PTPN14: variants seen among roughly 807,000 people sequenced by gnomAD.
PTPN14 encodes the protein protein tyrosine phosphatase non-receptor type 14.
PTPN14 carries 53 observed loss-of-function variants against 126.8 expected under a neutral mutation model. The ratio of observed to expected loss-of-function variants is 0.42; its 90% CI spans 0.34 to 0.53. The LOEUF (loss-of-function observed/expected upper bound fraction) is 0.53. Among genes scored for constraint, PTPN14 ranks in the 20% least tolerant of loss-of-function variants. The pLI is 0.08. For missense variants in PTPN14, 1,257 were observed against 1,552.9 expected, an observed-to-expected ratio of 0.81 and a Z score of 3.20; for synonymous variants, 630 against 599.3, an observed-to-expected ratio of 1.05 and a Z score of -0.75.
intron 1 of PTPN14, among the ~76,000 whole-genome samples, chr1:214,481,066 A>T (rs1290684094): frequency 6.6e-6 from 1 of 152,190 alleles, no homozygotes; most frequent in Non-Finnish European, 1.5e-5. Context: ...AGAAAAGGAG[A>T]TGACAAGGGT....
At chr1:214,485,634 G>GCATT (rs965067235) in intron 1 of PTPN14, among the ~76,000 whole-genome samples, 1 of 152,136 alleles carries the variant, frequency 6.6e-6, no homozygotes, top group Admixed American at 6.5e-5. Flanking sequence ...TAATACAGAG[G>GCATT]CGAATGTAAC....
chr1:214,409,284 A>T (rs76523698), intron 5 of PTPN14, among the ~76,000 whole-genome samples: 1 of 152,188 alleles, frequency 6.6e-6, no homozygotes, highest in African/African-American at 2.4e-5. Flanking sequence ...TACATCTATA[A>T]GTTCAACTTC....
chr1:214,368,196 T>TTTTTTTTATTTATTTA lies in PTPN14; in HGVS notation c.3271+1260_3271+1261insTAAATAAATAAAAAAA, dbSNP rs1553258933. 1.1e-4 allele frequency among the ~76,000 whole-genome samples: 16 copies of TTTTTTTTATTTATTTA among 146,324 alleles called. No individual in the cohort carries two copies. In the South Asian group the frequency reaches 1.1e-3, roughly 10 times the overall value. ...AAACAATTTTTTTAATGTTATTCGT[T>TTTTTTTTATTTATTTA]TTTATTTATTTATTTATTTATTTAT... is the stretch of plus-strand genomic sequence containing the variant. On this transcript the variant is annotated intron_variant, in intron 17 of 18. Transcript: ENST00000366956.
chr1:214,350,915 A>G lies in PTPN14; in HGVS notation c.*7007T>C, dbSNP rs915681844. On this transcript the variant is annotated 3_prime_UTR_variant, in exon 19 of 19. Transcript: ENST00000366956. ...TACAAGCAATTTTTAAAAAATTAAA[A>G]TAAGATTTCCTAATTACATATTTCT... is the stretch of plus-strand genomic sequence containing the variant. The G allele has an allele frequency of 2.0e-5, 3 of 151,900 alleles. No individual in the cohort carries two copies. The highest frequency in any genetic ancestry group is 2.9e-5 in the Non-Finnish European group (2 of 67,980). The allele number at this position is 151,900 out of a possible 1,614,324, so 9.4% of individuals were successfully genotyped here.
intron 3 of PTPN14, among the ~76,000 whole-genome samples, chr1:214,423,841 C>T (rs182510659): frequency 1.3e-5 from 2 of 151,982 alleles, no homozygotes; most frequent in African/African-American, 4.8e-5. Context: ...ATTAGCCAGG[C>T]ATGGTGGCTC....
rs1218314180 is a variant in PTPN14, at chr1:214,383,726, C to T, written c.2129G>A (p.Ser710Asn). The part of the protein sequence containing the change: ...DATMLIHSSE[S>N]EEEEEEAPES... ...TGGAGCCTCCTCCTCCTCCTCCTCA[C>T]TCTCGCTGCTGTGGATTAGCATAGT... Residue 710 changes from serine to asparagine, a missense_variant, in exon 13 of 19, where the codon AGT (serine) becomes AAT (asparagine). Around this residue, in one of 3 missense-constraint regions of PTPN14, gnomAD observed 1,021 missense variants for 1,183.3 expected, o/e 0.86. Transcript: ENST00000366956. This position sits in a 1 kb window ranked among gnomAD's most constrained non-coding sequence, Gnocchi z 4.4. The T allele has an allele frequency of 5.6e-6, 9 of 1,613,538 alleles. No individual in the cohort carries two copies. The South Asian group carries it at 9.9e-5, about 18-fold the overall frequency.
chr1:214,504,027 G>A (rs566298623), intron 1 of PTPN14, among the ~76,000 whole-genome samples: 1 of 152,230 alleles, frequency 6.6e-6, no homozygotes, highest in East Asian at 1.9e-4. Context: ...CACCTCTTCT[G>A]TAGAACCAGA....
intron 4 of PTPN14, among the ~76,000 whole-genome samples, chr1:214,413,050 C>CT (rs147684267): frequency 0.017 from 2,592 of 152,086 alleles, 77 homozygotes; most frequent in African/African-American, 0.059. Flanking sequence ...TTTATTTTTA[C>CT]TTTTTTCGTA....
chr1:214,445,559 A>G (rs890184174), intron 3 of PTPN14, among the ~76,000 whole-genome samples: 7 of 151,066 alleles, frequency 4.6e-5, no homozygotes, highest in African/African-American at 7.4e-5. Context: ...GTTAAAAAAA[A>G]AAAAACCACA....
intron 3 of PTPN14, among the ~76,000 whole-genome samples, chr1:214,442,432 G>A (rs1166496089): frequency 6.6e-6 from 1 of 152,108 alleles, no homozygotes; most frequent in Non-Finnish European, 1.5e-5. Context: ...TTTTTCTAAT[G>A]GCTAAAACAT....
rs146088424 is a variant in PTPN14 at position 214,440,673 on chromosome 1, A to G, written c.344+11132T>C. 2.7e-3 allele frequency among the ~76,000 whole-genome samples: 418 copies of G among 152,368 alleles called. 1 individual carries two copies. The highest frequency in any genetic ancestry group is 9.6e-3 in the African/African-American group (398 of 41,586). ...CTGGACACTGAATGACATAAAATCA[A>G]CTGGGTCAATGAAGAGATATGGGCT... On this transcript the variant is annotated intron_variant, in intron 3 of 18. Transcript: ENST00000366956.
At chr1:214,389,470 G>A (rs187747731) in intron 11 of PTPN14, among the ~76,000 whole-genome samples, 56 of 152,292 alleles carry the variant, frequency 3.7e-4, no homozygotes, top group African/African-American at 1.3e-3. Context: ...GAGGGCAGGT[G>A]AAAAACAGCA....
At position 214,357,834 on chromosome 1, in the gene PTPN14, C is replaced by A; in HGVS notation, c.*88G>T. 1 of 1,276,730 alleles carries A rather than the reference C, an allele frequency of 7.8e-7. No homozygotes were observed. The highest frequency in any genetic ancestry group is 1.4e-5 in the South Asian group (1 of 72,752). 79.1% of individuals were successfully genotyped at this position (1,276,730 alleles called of 1,614,324 possible). ...CTGTTTGCTGCCAGCCACCTGCACC[C>A]CTGTGGGGGGAGCAGATGTTGTCTG... On this transcript the variant is annotated 3_prime_UTR_variant, in exon 19 of 19. Coordinates refer to ENST00000366956, the MANE Select transcript of PTPN14 (RefSeq NM_005401.5).
rs1417999377 is a variant in PTPN14 at position 214,464,622 on chromosome 1, CCT to C, written c.174+6_174+7del. Reference sequence around the variant, plus strand: ...GCGCACATGCGCACACAGACACACCCCTCTTACCTCTCGCAGCTCCAGCCTCT... The same window carrying C: ...GCGCACATGCGCACACAGACACACCCCTTACCTCTCGCAGCTCCAGCCTCT... On this transcript the variant is annotated splice_donor_region_variant and intron_variant, in intron 2 of 18. Coordinates refer to ENST00000366956, the MANE Select transcript of PTPN14 (RefSeq NM_005401.5). 1 of 1,613,832 alleles carries C rather than the reference CCT, an allele frequency of 6.2e-7. No homozygotes were observed. The highest frequency in any genetic ancestry group is 8.5e-7 in the Non-Finnish European group (1 of 1,179,698).
At chr1:214,406,918 A>G (rs1432358271) in intron 5 of PTPN14, among the ~76,000 whole-genome samples, 3 of 152,182 alleles carry the variant, frequency 2.0e-5, no homozygotes, top group Non-Finnish European at 4.4e-5. Context: ...AGTAAGGCGA[A>G]TAAGAAATAG....
At chr1:214,453,761 G>C (rs1302361717) in intron 2 of PTPN14, among the ~76,000 whole-genome samples, 2 of 152,084 alleles carry the variant, frequency 1.3e-5, no homozygotes, top group African/African-American at 2.4e-5. Flanking sequence ...GGTTATCTGG[G>C]AGTCAATGAG....
At chr1:214,437,034 ATAG>A (rs1659937129) in intron 3 of PTPN14, among the ~76,000 whole-genome samples, 1 of 151,568 alleles carries the variant, frequency 6.6e-6, no homozygotes, top group Admixed American at 6.6e-5. Context: ...TTACTTAAAT[ATAG>A]TGTACTTCTA....
chr1:214,365,764 T>C (rs1298716465), intron 17 of PTPN14, among the ~76,000 whole-genome samples: 4 of 152,230 alleles, frequency 2.6e-5, no homozygotes, highest in Non-Finnish European at 4.4e-5. Flanking sequence ...AAACTATTAT[T>C]ATCACTACTA....
intron 3 of PTPN14, among the ~76,000 whole-genome samples, chr1:214,436,261 G>A (rs1188630827): frequency 6.6e-6 from 1 of 152,154 alleles, no homozygotes; most frequent in Admixed American, 6.5e-5. Context: ...AGGGTGAGAG[G>A]AGGGTAAGGA....
Sources: allele counts gnomAD v4.1 joint callset (sites outside exome capture counted in the v4.1 genomes callset), GRCh38; gene constraint gnomAD v4.1.1; regional missense constraint gnomAD v4.1.1; non-coding constraint Gnocchi (gnomAD v3.1); transcripts MANE v1.5; gene names NCBI Gene and HGNC (gene_info 2026-07-23, HGNC 2026-07-21).